RGS9: variants seen among roughly 807,000 people sequenced by gnomAD.
The protein encoded by RGS9 is regulator of G protein signaling 9.
A neutral mutation model predicts 102.0 loss-of-function variants in RGS9; 78 were observed. The observed-to-expected ratio is 0.76, with a 90% CI of 0.64 to 0.92. The LOEUF (loss-of-function observed/expected upper bound fraction) is 0.92. Among genes scored for constraint, RGS9 ranks in the 40% least tolerant of loss-of-function variants. The probability of loss-of-function intolerance (pLI) is 0.00; values close to 1 mark genes in which losing one functional copy is unlikely to be tolerated. For missense variants in RGS9, 833 were observed against 866.1 expected, an observed-to-expected ratio of 0.96 and a Z score of 0.48; for synonymous variants, 353 against 318.6, an observed-to-expected ratio of 1.11 and a Z score of -1.15.
At chr17:65,197,026 T>C in intron 12 of RGS9, 100 bp from the exon 13 acceptor site, 1 of 760,530 alleles carries the variant, frequency 1.3e-6, no homozygotes, top group Non-Finnish European at 2.4e-6. Context: ...GAGGATTGAA[T>C]TGAGCCCTGG....
At chr17:65,218,251 G>A (rs984420545) in intron 17 of RGS9, among the ~76,000 whole-genome samples, 1 of 152,244 alleles carries the variant, frequency 6.6e-6, no homozygotes, top group Non-Finnish European at 1.5e-5. Flanking sequence ...GGGAAATGCT[G>A]TGGGATGGCC....
chr17:65,227,133 C>T (rs1480921917), intron 18 of RGS9, 142 bp from the exon 19 acceptor site: 10 of 1,019,790 alleles, frequency 9.8e-6, no homozygotes, highest in Non-Finnish European at 1.5e-5. Flanking sequence ...AATGCTCTAC[C>T]CCTGAGCTAT....
rs1350898026 is a variant in RGS9, at chr17:65,173,051, T to G, written c.583-4681T>G. ...GATTCTCCTGCCTCAGCCTGCCGAG[T>G]AGCTGGAATTACAGGTGTGCGCCAC... On this transcript the variant is annotated intron_variant, in intron 8 of 18. Coordinates refer to ENST00000262406, the MANE Select transcript of RGS9 (RefSeq NM_003835.4). The surrounding 1 kb of genome is among the most constrained non-coding windows in gnomAD (Gnocchi z 4.8). 2.0e-5 allele frequency among the ~76,000 whole-genome samples: 3 copies of G among 151,714 alleles called. No individual in the cohort carries two copies. The East Asian group carries it at 5.8e-4, about 29-fold the overall frequency.
intron 7 of RGS9, among the ~76,000 whole-genome samples, chr17:65,166,947 A>G (rs1432972126): frequency 6.6e-6 from 1 of 152,212 alleles, no homozygotes; most frequent in African/African-American, 2.4e-5. Context: ...TGTTTTTCAC[A>G]GTACGTTAAC....
chr17:65,166,511 G>A (rs1911185557), intron 7 of RGS9, among the ~76,000 whole-genome samples: 1 of 152,198 alleles, frequency 6.6e-6, no homozygotes, highest in Non-Finnish European at 1.5e-5. Flanking sequence ...GGAATATACT[G>A]GAAGATCAAT....
intron 13 of RGS9, among the ~76,000 whole-genome samples, chr17:65,199,699 G>A (rs1199121468): frequency 6.6e-6 from 1 of 151,188 alleles, no homozygotes. Context: ...TCATCATGTT[G>A]GCCAGGCTGG....
intron 9 of RGS9, among the ~76,000 whole-genome samples, chr17:65,184,859 G>GTCTCTC (rs55810439): frequency 0.093 from 12,859 of 138,298 alleles, 628 homozygotes; most frequent in Middle Eastern, 0.14. Flanking sequence ...CCTTCTCACT[G>GTCTCTC]TCTCTCTCTC....
chr17:65,204,532 GA>G (rs1457464782), intron 15 of RGS9, among the ~76,000 whole-genome samples: 2 of 152,078 alleles, frequency 1.3e-5, no homozygotes, highest in Non-Finnish European at 1.5e-5. Context: ...GCAACACAGT[GA>G]GACCCTGTCT....
chr17:65,220,811 A>C (rs1490623427), intron 17 of RGS9, among the ~76,000 whole-genome samples: 2 of 152,206 alleles, frequency 1.3e-5, no homozygotes, highest in Admixed American at 1.3e-4. Flanking sequence ...TCATGTTAAC[A>C]TACCTGTTTC....
rs1905737980 is a variant in RGS9 at position 65,227,337 on chromosome 17, A to G, written c.1955A>G (p.Asp652Gly). 2 of 1,614,128 alleles carry G rather than the reference A, an allele frequency of 1.2e-6. No individual in the cohort carries two copies. Among genetic ancestry groups the G allele is most frequent in the Non-Finnish European group, 1.7e-6 (2 of 1,180,026 alleles). Reference protein sequence around the residue: ...GSGTCLMDSEDAGTGESGDRA... With the variant: ...GSGTCLMDSEGAGTGESGDRA... ...GGGACCTGCTTGATGGACTCGGAGGATGCTGGAACAGGAGAGTCGGGTGAC... is the reference window on the plus strand; with the variant it reads ...GGGACCTGCTTGATGGACTCGGAGGGTGCTGGAACAGGAGAGTCGGGTGAC... Residue 652 changes from aspartate to glycine, a missense_variant, in exon 19 of 19, where the codon GAT becomes GGT. Asp to Gly is a moderately conservative substitution (Grantham distance 94). Around this residue, in one of 3 missense-constraint regions of RGS9, gnomAD observed 320 missense variants for 276.8 expected, o/e 1.16. Transcript: ENST00000262406.
At chr17:65,154,257 A>G (rs1383842969) in intron 2 of RGS9, among the ~76,000 whole-genome samples, 1 of 152,182 alleles carries the variant, frequency 6.6e-6, no homozygotes, top group Admixed American at 6.5e-5. Flanking sequence ...CAGTGAGCCA[A>G]GATCGCACCA....
chr17:65,169,493 A>C (rs1234212382), intron 8 of RGS9, among the ~76,000 whole-genome samples: 1 of 152,162 alleles, frequency 6.6e-6, no homozygotes, highest in Admixed American at 6.5e-5. Flanking sequence ...GTGTTCCAGA[A>C]GCACTCTGTG....
At chr17:65,186,165 TA>T (rs1912110696) in intron 9 of RGS9, among the ~76,000 whole-genome samples, 2 of 85,750 alleles carry the variant, frequency 2.3e-5, no homozygotes, top group Non-Finnish European at 4.6e-5. Flanking sequence ...GTTTACATTT[TA>T]TTTATTTATT....
chr17:65,153,022 G>A (rs189167304), intron 1 of RGS9, among the ~76,000 whole-genome samples: 17 of 152,294 alleles, frequency 1.1e-4, no homozygotes, highest in African/African-American at 2.9e-4. Context: ...ATGTGGTCTG[G>A]CCTCCACTGG....
chr17:65,158,377 G>C, intron 3 of RGS9, 32 bp downstream of exon 3: 1 of 1,604,118 alleles, frequency 6.2e-7, no homozygotes, highest in East Asian at 2.2e-5. Flanking sequence ...AGTTATCCGG[G>C]ACAGCTTTGT....
intron 14 of RGS9, 51 bp downstream of exon 14, chr17:65,202,131 C>G (rs1159694971): frequency 1.6e-6 from 2 of 1,267,578 alleles, no homozygotes; most frequent in Admixed American, 3.4e-5. Context: ...CTCTGAGGAC[C>G]ACCCCATTGT....
rs61739619 is a variant in RGS9, at chr17:65,177,758, C to T, written c.609C>T (p.Tyr203=). The change falls in exon 9 of 19, where the codon TAC becomes TAT. Residue 203 remains tyrosine, a synonymous_variant. Transcript: ENST00000262406. ...CTGGAATGGACAATGTGCTGGACTA[C>T]GGCCTGGACCGAGTGACCAATCCGA... ...CPPGMDNVLD[Y]GLDRVTNPNE... 2.7e-4 allele frequency: 442 copies of T among 1,614,132 alleles called. 2 individuals are homozygous for T. The highest frequency in any genetic ancestry group is 2.7e-3 in the South Asian group (245 of 91,080).
At position 65,160,214 on chromosome 17, in the gene RGS9, T is replaced by A; in HGVS notation, c.206-19T>A. ...CTCAGCCCTGCTCTTAACATCCATG[T>A]CTGAACTGCTTTTCCCAGAGGCACA... On this transcript the variant is annotated intron_variant, in intron 3 of 18. Coordinates refer to ENST00000262406, the MANE Select transcript of RGS9 (RefSeq NM_003835.4). 6.3e-7 allele frequency: 1 copy of A among 1,584,438 alleles called. No individual in the cohort carries two copies. Among genetic ancestry groups the A allele is most frequent in the South Asian group, 1.1e-5 (1 of 90,452 alleles).
chr17:65,183,111 C>CTATCTATCTATCTAT (rs1360431205), intron 9 of RGS9, among the ~76,000 whole-genome samples: 9 of 78,266 alleles, frequency 1.1e-4, no homozygotes, highest in East Asian at 7.0e-4. Flanking sequence ...TATCTATCTA[C>CTATCTATCTATCTAT]CTACCTACCT....
Sources: gnomAD v4.1 joint callset for allele counts (sites outside exome capture counted in the v4.1 genomes callset) on GRCh38, gnomAD v4.1.1 for gene constraint, gnomAD v4.1.1 regional missense constraint, Gnocchi (gnomAD v3.1) non-coding constraint, MANE v1.5 for transcripts, NCBI Gene and HGNC (gene_info 2026-07-23, HGNC 2026-07-21) for gene names.